Variants in MAGEC3 observed in about 807,000 individuals in gnomAD.
MAGEC3 encodes the protein melanoma-associated antigen C3.
MAGEC3 carries 34 observed loss-of-function variants against 35.3 expected under a neutral mutation model. The observed-to-expected ratio is 0.96, with a 90% CI of 0.73 to 1.28. The LOEUF (loss-of-function observed/expected upper bound fraction) is 1.28, where lower values mean the gene tolerates loss of function less well. Ranked by LOEUF, MAGEC3 falls within the 50% of genes most tolerant of loss-of-function variation. MAGEC3 has a pLI of 0.00. For synonymous variants in MAGEC3, 202 were observed against 185.6 expected (o/e 1.09, Z -0.72); for missense variants, 561 against 483.6 (o/e 1.16, Z -1.50).
intron 1 of MAGEC3, chrX:141,839,586 G>T (rs2017674180): frequency 4.0e-6 from 3 of 754,081 alleles, no homozygotes; most frequent in Non-Finnish European, 4.7e-6. Flanking sequence ...GCCCACAGCT[G>T]CAATCCCAAG....
chrX:141,845,536 G>A (rs184527526), intron 1 of MAGEC3, among the ~76,000 whole-genome samples: 6 of 111,206 alleles, frequency 5.4e-5, no homozygotes, highest in Admixed American at 3.8e-4. Context: ...TATGCTTGAG[G>A]TGTAAATGTA....
intron 2 of MAGEC3, among the ~76,000 whole-genome samples, chrX:141,874,270 A>G (rs772111783): frequency 7.1e-5 from 8 of 112,200 alleles, no homozygotes; most frequent in African/African-American, 2.6e-4. Flanking sequence ...TGAAACACAT[A>G]GAAGATACCA....
intron 2 of MAGEC3, among the ~76,000 whole-genome samples, chrX:141,865,953 C>T (rs1407664556): frequency 9.0e-6 from 1 of 111,308 alleles, no homozygotes; most frequent in Non-Finnish European, 1.9e-5. Context: ...TCTCCCTATC[C>T]CCTGACATCC....
chrX:141,843,075 C>T (rs1385652857), intron 1 of MAGEC3, among the ~76,000 whole-genome samples: 1 of 112,224 alleles, frequency 8.9e-6, no homozygotes, highest in African/African-American at 3.2e-5. Flanking sequence ...TTTGCAGAGG[C>T]ATAGAGAAAT....
At chrX:141,862,240 C>T (rs1476660448) in intron 1 of MAGEC3, among the ~76,000 whole-genome samples, 1 of 111,491 alleles carries the variant, frequency 9.0e-6, no homozygotes, top group Non-Finnish European at 1.9e-5. Flanking sequence ...GAGATATTAT[C>T]TTACCATAGG....
At chrX:141,842,719 C>A (rs776917789) in intron 1 of MAGEC3, among the ~76,000 whole-genome samples, 1 of 111,860 alleles carries the variant, frequency 8.9e-6, no homozygotes, top group South Asian at 3.7e-4. Context: ...AAAGTGACTT[C>A]TTCTAGCCCA....
chrX:141,857,373 A>T (rs1361646734), intron 1 of MAGEC3, among the ~76,000 whole-genome samples: 1 of 111,026 alleles, frequency 9.0e-6, no homozygotes, highest in Non-Finnish European at 1.9e-5. Context: ...AGCTTCCAGG[A>T]TAACTGGGTC....
rs200147394 is a variant in MAGEC3 at position 141,875,287 on chromosome X, CAT to C, written c.259-3887_259-3886del. ...AAGGGAGGCATCAAGTATATCAAAA[CAT>C]GTGCCACCTATAGCAAAAAAGTCAC... On this transcript the variant is annotated intron_variant, in intron 2 of 7. Coordinates refer to ENST00000298296, the MANE Select transcript of MAGEC3 (RefSeq NM_138702.1). 2.4e-3 allele frequency among the ~76,000 whole-genome samples: 269 copies of C among 111,681 alleles called. 4 individuals carry two copies. In the Admixed American group the frequency reaches 0.024, roughly 10 times the overall value.
rs181005184 is a variant in MAGEC3 at position 141,855,613 on chromosome X, C to T, written c.124-9858C>T. On this transcript the variant is annotated intron_variant, in intron 1 of 7. Coordinates refer to ENST00000298296, the MANE Select transcript of MAGEC3 (RefSeq NM_138702.1). ...CTGAAAGCTAGAAAAATGCACAGTT[C>T]CCAATATATCCTGCGACTCAGAATC... is the stretch of plus-strand genomic sequence containing the variant. Among the ~76,000 whole-genome samples the T allele has an allele frequency of 6.7e-3, 746 of 111,278 alleles. 4 individuals carry two copies. The highest frequency in any genetic ancestry group is 0.01 in the Non-Finnish European group (538 of 52,896).
intron 1 of MAGEC3, among the ~76,000 whole-genome samples, chrX:141,842,121 G>A (rs1206178585): frequency 3.6e-5 from 4 of 111,459 alleles, no homozygotes; most frequent in Non-Finnish European, 7.6e-5. Context: ...ACTGAATGCT[G>A]TGCAGCCATT....
intron 4 of MAGEC3, among the ~76,000 whole-genome samples, chrX:141,890,010 A>T (rs1336579965): frequency 8.9e-6 from 1 of 111,917 alleles, no homozygotes; most frequent in East Asian, 2.8e-4. Flanking sequence ...TTATCATGTG[A>T]CATAAGATGT....
chrX:141,895,350 G>A lies in MAGEC3; in HGVS notation c.991G>A (p.Glu331Lys). ...GTCTGAAGGACCTGAAGCATTTTGC[G>A]AGGAGTCTGGACTCAGGTCAGCAGA... ...WESEGPEAFC[E>K]ESGLRSAEGS... The change falls in exon 5 of 8, where the codon GAG (glutamate) becomes AAG (lysine). Residue 331 changes from glutamate to lysine, a missense_variant. Transcript: ENST00000298296. 2 of 1,210,837 alleles carry A rather than the reference G, an allele frequency of 1.7e-6. No individual in the cohort carries two copies. The highest frequency in any genetic ancestry group is 3.5e-5 in the South Asian group (2 of 56,933).
intron 1 of MAGEC3, among the ~76,000 whole-genome samples, chrX:141,846,389 CA>C (rs2017716913): frequency 9.1e-6 from 1 of 109,905 alleles, no homozygotes; most frequent in Non-Finnish European, 1.9e-5. Context: ...CGAGTTGCTA[CA>C]ATATACAAAT....
At chrX:141,850,979 G>A (rs1231304173) in intron 1 of MAGEC3, among the ~76,000 whole-genome samples, 1 of 110,974 alleles carries the variant, frequency 9.0e-6, no homozygotes, top group African/African-American at 3.3e-5. Context: ...ACCAAGCTCA[G>A]ATTACTTCAG....
In MAGEC3 at chrX:141,895,249, C is replaced by G; in HGVS notation, c.910-20C>G. ...TTTCCATGGAGAGGAGGCCCCACCC[C>G]ACGCTGCCTCTGCTGTCAGCCCTGG... On this transcript the variant is annotated intron_variant, in intron 4 of 7. Transcript: ENST00000298296. The G allele has an allele frequency of 8.3e-7, 1 of 1,201,824 alleles. No homozygotes were observed. Among genetic ancestry groups the G allele is most frequent in the East Asian group, 3.0e-5 (1 of 33,572 alleles).
rs1283392688 is a variant in MAGEC3, at chrX:141,838,453, G to T, written c.123+15G>T. 1 of 1,203,132 alleles carries T rather than the reference G, an allele frequency of 8.3e-7. No homozygotes were observed. Among genetic ancestry groups the T allele is most frequent in the Non-Finnish European group, 1.1e-6 (1 of 889,948 alleles). On this transcript the variant is annotated intron_variant, in intron 1 of 7. Coordinates refer to ENST00000298296, the MANE Select transcript of MAGEC3 (RefSeq NM_138702.1). ...CTCAGCCCCAGGTGTGGTAGCCCAT[G>T]AATGCTCATGTCTAAGCCCCAGGTT...
At chrX:141,881,925 G>C (rs1746777416) in intron 4 of MAGEC3, 129 bp downstream of exon 4, 1 of 924,318 alleles carries the variant, frequency 1.1e-6, no homozygotes, top group Admixed American at 2.4e-5. Flanking sequence ...ATGAATTCCT[G>C]TGGGGTCCTA....
chrX:141,852,960 A>C (rs151212900), intron 1 of MAGEC3, among the ~76,000 whole-genome samples: 46 of 111,626 alleles, frequency 4.1e-4, no homozygotes, highest in African/African-American at 1.4e-3. Context: ...TCTACTTTAC[A>C]AACTATTTTC....
In MAGEC3 at chrX:141,895,383, G is replaced by A. The variant is rs142940848; in HGVS notation, c.1024G>A (p.Val342Ile). 135 of 1,208,152 alleles carry A rather than the reference G, an allele frequency of 1.1e-4. No individual in the cohort carries two copies. In the African/African-American group the frequency reaches 2.1e-3, roughly 19 times the overall value. The change falls in exon 5 of 8, where the codon GTC becomes ATC. Residue 342 changes from valine (V) to isoleucine (I), a missense_variant. Val to Ile is a conservative substitution (Grantham distance 29). Transcript: ENST00000298296. ...TGGACTCAGGTCAGCAGAGGGAAGCGTCTTAGACCTGGCCAATCCTCAAGG... is the reference window on the plus strand; with the variant it reads ...TGGACTCAGGTCAGCAGAGGGAAGCATCTTAGACCTGGCCAATCCTCAAGG... Reference protein sequence around the residue: ...ESGLRSAEGSVLDLANPQGLA... With the variant: ...ESGLRSAEGSILDLANPQGLA...
Sources: gnomAD v4.1 joint callset for allele counts (sites outside exome capture counted in the v4.1 genomes callset) on GRCh38, gnomAD v4.1.1 for gene constraint, MANE v1.5 for transcripts, NCBI Gene and HGNC (gene_info 2026-07-23, HGNC 2026-07-21) for gene names.